PCDH10: variants seen among roughly 807,000 people sequenced by gnomAD.
PCDH10 encodes protocadherin-10.
A neutral mutation model predicts 74.4 loss-of-function variants in PCDH10; 15 were observed. That is an observed-to-expected ratio of 0.20 (90% confidence interval 0.13 to 0.31). PCDH10 has a LOEUF of 0.31. Among genes scored for constraint, PCDH10 ranks in the 10% least tolerant of loss-of-function variants. PCDH10 has a pLI of 1.00. For synonymous variants in PCDH10, 619 were observed against 589.8 expected (o/e 1.05, Z -0.72); for missense variants, 1,260 against 1,390.2 (o/e 0.91, Z 1.49).
intron 4 of PCDH10, among the ~76,000 whole-genome samples, chr4:133,176,923 CATATT>C (rs1239189512): frequency 6.6e-6 from 1 of 151,808 alleles, no homozygotes; most frequent in Admixed American, 6.6e-5. Flanking sequence ...TAGGAAATAG[CATATT>C]ATATTTGATA....
Position 133,163,033 on chromosome 4 carries a change from C to A in PCDH10, c.2854C>A (p.Arg952=), listed in dbSNP as rs144017898. 5 of 1,614,142 alleles carry A rather than the reference C, an allele frequency of 3.1e-6. No individual in the cohort carries two copies. The highest frequency in any genetic ancestry group is 4.2e-6 in the Non-Finnish European group (5 of 1,180,008). ...EECKALGHSD[R]CWMPSFVPSD... The stretch of plus-strand genomic sequence containing the variant: ...ATGTAAAGCTCTGGGCCACTCAGAT[C>A]GGTGCTGGATGCCTTCTTTTGTCCC... The change falls in exon 4 of 5, where the codon CGG becomes AGG. Residue 952 remains arginine, a synonymous_variant. Transcript: ENST00000264360.
intron 4 of PCDH10, among the ~76,000 whole-genome samples, chr4:133,165,474 G>C (rs1727059764): frequency 6.6e-6 from 1 of 151,526 alleles, no homozygotes; most frequent in African/African-American, 2.4e-5. Flanking sequence ...AAATTCATAT[G>C]GTGATAGTTT....
Position 133,150,663 on chromosome 4 carries a change from G to A in PCDH10, c.523G>A (p.Gly175Arg). 6.2e-7 allele frequency: 1 copy of A among 1,613,160 alleles called. No individual in the cohort carries two copies. The highest frequency in any genetic ancestry group is 8.5e-7 in the Non-Finnish European group (1 of 1,179,972). Residue 175 changes from glycine (G) to arginine (R), a missense_variant, in exon 1 of 5, where the codon GGG becomes AGG. Gly to Arg is a moderately radical substitution (Grantham distance 125). Around this residue, in one of 11 missense-constraint regions of PCDH10, gnomAD observed 35 missense variants for 29.1 expected, o/e 1.20. Coordinates refer to ENST00000264360, the MANE Select transcript of PCDH10 (RefSeq NM_032961.3). The part of the protein sequence containing the change: ...SYFSLDVQTQ[G>R]DGNRFAELVL... Reference sequence around the variant, plus strand: ...CTTCTCCCTGGACGTGCAGACCCAGGGGGATGGCAACCGATTCGCTGAGCT... The same window carrying A: ...CTTCTCCCTGGACGTGCAGACCCAGAGGGATGGCAACCGATTCGCTGAGCT...
chr4:133,150,980 C>T lies in PCDH10; in HGVS notation c.840C>T (p.Gly280=), dbSNP rs1726665788. ...IQLNATDPDE[G]QNGEVVYSFS... ...TCAACGCCACCGACCCGGACGAGGGCCAGAACGGTGAGGTCGTGTACTCCT... is the reference window on the plus strand; with the variant it reads ...TCAACGCCACCGACCCGGACGAGGGTCAGAACGGTGAGGTCGTGTACTCCT... The change falls in exon 1 of 5, where the codon GGC becomes GGT. Residue 280 remains glycine, a synonymous_variant. Transcript: ENST00000264360. The T allele has an allele frequency of 6.2e-7, 1 of 1,613,966 alleles. No individual in the cohort carries two copies. Among genetic ancestry groups the T allele is most frequent in the Non-Finnish European group, 8.5e-7 (1 of 1,180,042 alleles).
At chr4:133,166,257 T>C (rs1463135911) in intron 4 of PCDH10, among the ~76,000 whole-genome samples, 1 of 151,658 alleles carries the variant, frequency 6.6e-6, no homozygotes, top group Non-Finnish European at 1.5e-5. Flanking sequence ...TGTTAATGAA[T>C]TTCAGTTTTA....
At chr4:133,187,584 A>G (rs954019743) in intron 4 of PCDH10, among the ~76,000 whole-genome samples, 7 of 152,148 alleles carry the variant, frequency 4.6e-5, no homozygotes, top group Non-Finnish European at 8.8e-5. Context: ...CCAAATCTGC[A>G]TTACTGAATT....
intron 4 of PCDH10, among the ~76,000 whole-genome samples, chr4:133,177,488 T>C (rs1345712030): frequency 6.6e-6 from 1 of 152,148 alleles, no homozygotes; most frequent in East Asian, 1.9e-4. Flanking sequence ...TTCTGTCTTC[T>C]AACTTCTACA....
downstream of PCDH10, among the ~76,000 whole-genome samples, chr4:133,199,289 A>AAATAATAATAATAAT (rs70957501): frequency 9.4e-4 from 128 of 136,674 alleles, no homozygotes; most frequent in East Asian, 2.1e-3. Flanking sequence ...CCCTGTCTCA[A>AAATAATAATAATAAT]AATAATAATA....
intron 2 of PCDH10, among the ~76,000 whole-genome samples, chr4:133,203,839 G>C (rs1413802959): frequency 6.6e-6 from 1 of 152,126 alleles, no homozygotes; most frequent in African/African-American, 2.4e-5. Flanking sequence ...CATTCCCCAG[G>C]GAATGCCACT....
intron 4 of PCDH10, among the ~76,000 whole-genome samples, chr4:133,171,016 G>A (rs1296454566): frequency 6.7e-6 from 1 of 148,490 alleles, no homozygotes; most frequent in Admixed American, 6.7e-5. Context: ...TAAGTTTACA[G>A]TGCTTAAGTA....
At position 133,151,487 on chromosome 4, in the gene PCDH10, C is replaced by T. The variant is rs114829586; in HGVS notation, c.1347C>T (p.Ile449=). 154 of 1,613,954 alleles carry T rather than the reference C, an allele frequency of 9.5e-5. No homozygotes were observed. In the African/African-American group the frequency reaches 1.1e-3, roughly 12 times the overall value. ...GEPALSTSKS[I]QVQVSDVNDN... ...CTGCGCTCTCCACCAGTAAGTCGAT[C>T]CAGGTACAAGTGTCGGATGTGAACG... Residue 449 remains isoleucine, a synonymous_variant, in exon 1 of 5, where the codon ATC becomes ATT. Transcript: ENST00000264360.
At chr4:133,194,732 T>C (rs2125875540), downstream of PCDH10, 1 of 152,088 alleles carries the variant, frequency 6.6e-6, no homozygotes. Context: ...TTAGTCTTAA[T>C]ATAACAGGTC....
chr4:133,152,851 G>A lies in PCDH10; in HGVS notation c.2631+80G>A, dbSNP rs1212077769. 8 of 1,578,368 alleles carry A rather than the reference G, an allele frequency of 5.1e-6. No homozygotes were observed. In the African/African-American group the frequency reaches 8.1e-5, roughly 16 times the overall value. ...CTCTAGCCCGGCCCTTGTATCTCTG[G>A]TGCACTGTATCTATTTTTAGGATAT... On this transcript the variant is annotated intron_variant, in intron 1 of 4. Coordinates refer to ENST00000264360, the MANE Select transcript of PCDH10 (RefSeq NM_032961.3).
At chr4:133,163,614 A>C (rs1324606172) in intron 4 of PCDH10, among the ~76,000 whole-genome samples, 1 of 152,136 alleles carries the variant, frequency 6.6e-6, no homozygotes, top group Admixed American at 6.6e-5. Flanking sequence ...AAATAGAAAT[A>C]TTTTTCTTTT....
chr4:133,151,589 C>T lies in PCDH10; in HGVS notation c.1449C>T (p.Tyr483=). ...TENNVPGAYI[Y]AVSATDRDEG... is the part of the protein sequence containing the mutation. Reference sequence around the variant, plus strand: ...ACAACGTGCCTGGCGCCTACATCTACGCGGTGAGCGCCACCGACCGGGATG... The same window carrying T: ...ACAACGTGCCTGGCGCCTACATCTATGCGGTGAGCGCCACCGACCGGGATG... The change falls in exon 1 of 5, where the codon TAC becomes TAT. Residue 483 remains tyrosine, a synonymous_variant. Transcript: ENST00000264360. The T allele has an allele frequency of 6.2e-7, 1 of 1,613,968 alleles. No individual in the cohort carries two copies. The highest frequency in any genetic ancestry group is 8.5e-7 in the Non-Finnish European group (1 of 1,180,014).
chr4:133,169,820 T>G (rs766382546), intron 4 of PCDH10, among the ~76,000 whole-genome samples: 1 of 151,966 alleles, frequency 6.6e-6, no homozygotes, highest in Non-Finnish European at 1.5e-5. Context: ...GTGCCAGACA[T>G]TTTTTGGGTG....
In PCDH10 at chr4:133,152,709, G is replaced by T; in HGVS notation, c.2569G>T (p.Val857Phe). ...TGAGCACAACCCCTGCGGGGCCATCGTCACCGGTTACACCGACCAGCAGCC... is the reference window on the plus strand; with the variant it reads ...TGAGCACAACCCCTGCGGGGCCATCTTCACCGGTTACACCGACCAGCAGCC... Reference protein sequence around the residue: ...DTEHNPCGAIVTGYTDQQPDI... With the variant: ...DTEHNPCGAIFTGYTDQQPDI... Residue 857 changes from valine to phenylalanine, a missense_variant, in exon 1 of 5, where the codon GTC becomes TTC. By Grantham distance (50) the Val-to-Phe change is conservative (BLOSUM62 -1). Around this residue, in one of 11 missense-constraint regions of PCDH10, gnomAD observed 587 missense variants for 616.9 expected, o/e 0.95. Coordinates refer to ENST00000264360, the MANE Select transcript of PCDH10 (RefSeq NM_032961.3). The T allele has an allele frequency of 1.2e-6, 2 of 1,614,174 alleles. No individual in the cohort carries two copies. The highest frequency in any genetic ancestry group is 8.5e-7 in the Non-Finnish European group (1 of 1,180,054).
intron 4 of PCDH10, among the ~76,000 whole-genome samples, chr4:133,170,210 C>G (rs1254826140): frequency 6.6e-6 from 1 of 152,064 alleles, no homozygotes; most frequent in Non-Finnish European, 1.5e-5. Flanking sequence ...GATTCTATAA[C>G]TCGTACCTTA....
chr4:133,188,906 C>T (rs930588045), intron 4 of PCDH10, among the ~76,000 whole-genome samples: 1 of 151,846 alleles, frequency 6.6e-6, no homozygotes, highest in African/African-American at 2.4e-5. Context: ...AACTCCTGAC[C>T]TCAGGTGACC....
Sources: allele counts gnomAD v4.1 joint callset (sites outside exome capture counted in the v4.1 genomes callset), GRCh38; gene constraint gnomAD v4.1.1; regional missense constraint gnomAD v4.1.1; transcripts MANE v1.5; gene names NCBI Gene and HGNC (gene_info 2026-07-23, HGNC 2026-07-21).